Variants in LNX1 observed in about 807,000 individuals in gnomAD.
LNX1 encodes E3 ubiquitin-protein ligase LNX.
LNX1 carries 54 observed loss-of-function variants against 68.4 expected under a neutral mutation model. The ratio of observed to expected loss-of-function variants is 0.79; its 90% CI spans 0.63 to 0.99. LNX1 has a LOEUF of 0.99. LNX1 is among the 50% of genes least tolerant of loss of function. The pLI is 0.00. For synonymous variants in LNX1, 336 were observed against 350.0 expected, an observed-to-expected ratio of 0.96 and a Z score of 0.45; for missense variants, 906 against 926.4, an observed-to-expected ratio of 0.98 and a Z score of 0.29.
intron 2 of LNX1, among the ~76,000 whole-genome samples, chr4:53,610,715 GAAAAA>G (rs10553873): frequency 3.6e-5 from 4 of 112,540 alleles, no homozygotes; most frequent in East Asian, 2.8e-4. Context: ...TCTCAAAGAG[GAAAAA>G]AAAAAAAAAA....
At chr4:53,628,935 A>G (rs1734170953) in intron 1 of LNX1, among the ~76,000 whole-genome samples, 1 of 152,182 alleles carries the variant, frequency 6.6e-6, no homozygotes, top group Admixed American at 6.6e-5. Context: ...TGGATACACA[A>G]GGGCATACAG....
chr4:53,647,799 T>C (rs2109894007), intron 1 of LNX1, among the ~76,000 whole-genome samples: 1 of 152,350 alleles, frequency 6.6e-6, no homozygotes, highest in East Asian at 1.9e-4. Context: ...CAACTGCCAT[T>C]CAACTTTCTG....
chr4:53,507,970 C>A lies in LNX1; in HGVS notation c.622+16G>T. ...GCCAAGGAGCCCATTCCCGGACAAC[C>A]ACCCATTTGACTCACCCCTAGTTCG... On this transcript the variant is annotated intron_variant, in intron 3 of 10. Coordinates refer to ENST00000263925, the MANE Select transcript of LNX1 (RefSeq NM_001126328.3). 6.2e-7 allele frequency: 1 copy of A among 1,604,300 alleles called. No homozygotes were observed. Among genetic ancestry groups the A allele is most frequent in the Non-Finnish European group, 8.5e-7 (1 of 1,172,006 alleles).
intron 1 of LNX1, among the ~76,000 whole-genome samples, chr4:53,583,793 T>C (rs115101712): frequency 0.056 from 8,445 of 152,104 alleles, 303 homozygotes; most frequent in South Asian, 0.075. Context: ...TAGAGAAGAG[T>C]GTTCCTTCTC....
chr4:53,506,576 C>G (rs1725885765), intron 4 of LNX1, among the ~76,000 whole-genome samples: 1 of 152,052 alleles, frequency 6.6e-6, no homozygotes, highest in Non-Finnish European at 1.5e-5. Flanking sequence ...GGAGTGGCGC[C>G]AGGTGCGGTG....
intron 2 of LNX1, among the ~76,000 whole-genome samples, chr4:53,535,251 T>C (rs1188997329): frequency 6.6e-6 from 1 of 152,244 alleles, no homozygotes; most frequent in Non-Finnish European, 1.5e-5. Context: ...CCATAAACCA[T>C]GGAGACCAGG....
At chr4:53,569,698 A>G (rs1225855845) in intron 2 of LNX1, among the ~76,000 whole-genome samples, 31 of 150,846 alleles carry the variant, frequency 2.1e-4, no homozygotes, top group African/African-American at 7.1e-4. Flanking sequence ...CTGCACAGCA[A>G]AAGAAACTAC....
At chr4:53,482,654 CT>C (rs767747662) in intron 6 of LNX1, among the ~76,000 whole-genome samples, 1 of 152,084 alleles carries the variant, frequency 6.6e-6, no homozygotes, top group East Asian at 1.9e-4. Context: ...GAGCTTAGCT[CT>C]GGAGATGCAG....
rs140798396 is a variant in LNX1, at chr4:53,506,183, T to G, written c.775+1134A>C. ...GATTTAAAATCTTGGTTCTGCCATT[T>G]TTTAGCTGGGTGACTGGGCTAGTTA... On this transcript the variant is annotated intron_variant, in intron 4 of 10. Coordinates refer to ENST00000263925, the MANE Select transcript of LNX1 (RefSeq NM_001126328.3). Among the ~76,000 whole-genome samples, 366 of 152,334 alleles carry G rather than the reference T, an allele frequency of 2.4e-3. 2 individuals are homozygous for G. Among genetic ancestry groups the G allele is most frequent in the African/African-American group, 8.4e-3 (351 of 41,566 alleles).
intron 2 of LNX1, among the ~76,000 whole-genome samples, chr4:53,541,140 A>AAG (rs1319423673): frequency 9.6e-6 from 1 of 104,194 alleles, no homozygotes; most frequent in Non-Finnish European, 2.4e-5. Flanking sequence ...CTAACTCAAA[A>AAG]AAAAAAGAAA....
At chr4:53,624,443 G>A (rs923320887) in intron 1 of LNX1, among the ~76,000 whole-genome samples, 2 of 152,158 alleles carry the variant, frequency 1.3e-5, no homozygotes, top group Non-Finnish European at 2.9e-5. Flanking sequence ...TGTAAGACAT[G>A]TCTTTCGCCA....
At chr4:53,577,363 G>C (rs942374012) in intron 1 of LNX1, among the ~76,000 whole-genome samples, 42 of 152,242 alleles carry the variant, frequency 2.8e-4, no homozygotes, top group African/African-American at 9.1e-4. Context: ...GATGCTGTAG[G>C]GGAATATAAA....
intron 9 of LNX1, among the ~76,000 whole-genome samples, chr4:53,465,437 T>G (rs1403121288): frequency 6.6e-6 from 1 of 152,206 alleles, no homozygotes; most frequent in Non-Finnish European, 1.5e-5. Flanking sequence ...CTAAACACAT[T>G]ATTTAGTTTG....
At chr4:53,629,077 C>T (rs1734177829) in intron 1 of LNX1, among the ~76,000 whole-genome samples, 1 of 152,172 alleles carries the variant, frequency 6.6e-6, no homozygotes, top group Non-Finnish European at 1.5e-5. Context: ...TTTATCACTA[C>T]ATAATTAATC....
chr4:53,466,914 G>A (rs1355643835), intron 9 of LNX1, among the ~76,000 whole-genome samples: 1 of 152,144 alleles, frequency 6.6e-6, no homozygotes, highest in African/African-American at 2.4e-5. Flanking sequence ...TCCATCTCTG[G>A]GGGCAGGGCA....
intron 1 of LNX1, among the ~76,000 whole-genome samples, chr4:53,586,503 T>G (rs1732179930): frequency 6.6e-6 from 1 of 152,140 alleles, no homozygotes; most frequent in Non-Finnish European, 1.5e-5. Context: ...AAGAAGCAAA[T>G]AAGAGTCACT....
rs569700472 is a variant in LNX1, at chr4:53,534,421, G to A, written c.381-26194C>T. Among the ~76,000 whole-genome samples the A allele has an allele frequency of 4.7e-4, 3 of 6,342 alleles. No individual in the cohort carries two copies. The South Asian group carries it at 0.018, about 37-fold the overall frequency. 4.2% of individuals were successfully genotyped at this position (6,342 alleles called of 152,430 possible). ...TGGAAGGCTGAGGCAGGAGGGTCTCGAGCCTAGGAGATCCAGAGCAGCCTG... is the reference window on the plus strand; with the variant it reads ...TGGAAGGCTGAGGCAGGAGGGTCTCAAGCCTAGGAGATCCAGAGCAGCCTG... On this transcript the variant is annotated intron_variant, in intron 2 of 10. Transcript: ENST00000263925.
chr4:53,501,217 A>G (rs1448661076), intron 4 of LNX1, among the ~76,000 whole-genome samples: 1 of 149,200 alleles, frequency 6.7e-6, no homozygotes, highest in Non-Finnish European at 1.5e-5. Context: ...CATTGAGTTA[A>G]GGTATTTGAA....
intron 2 of LNX1, among the ~76,000 whole-genome samples, chr4:53,522,100 A>T (rs1389915730): frequency 6.6e-6 from 1 of 151,920 alleles, no homozygotes; most frequent in Non-Finnish European, 1.5e-5. Context: ...AACTCTGCTC[A>T]GTTCTTTTTG....
Sources: allele counts gnomAD v4.1 joint callset (sites outside exome capture counted in the v4.1 genomes callset), GRCh38; gene constraint gnomAD v4.1.1; transcripts MANE v1.5; gene names NCBI Gene and HGNC (gene_info 2026-07-23, HGNC 2026-07-21).